The following EDA variants were observed in gnomAD, a reference collection of about 807,000 sequenced individuals.
EDA encodes the protein ectodysplasin-A.
A neutral mutation model predicts 23.6 loss-of-function variants in EDA; 2 were observed. The observed-to-expected ratio is 0.08, with a 90% confidence interval of 0.03 to 0.27. EDA has a LOEUF of 0.27. Ranked by LOEUF, EDA falls within the 10% of genes least tolerant of loss-of-function variation. The pLI is 1.00. For synonymous variants in EDA, 131 were observed against 132.0 expected, an observed-to-expected ratio of 0.99 and a Z score of 0.05; for missense variants, 229 against 324.2, an observed-to-expected ratio of 0.71 and a Z score of 2.26.
chrX:69,998,025 G>A (rs1007467723), intron 2 of EDA, among the ~76,000 whole-genome samples: 2 of 112,334 alleles, frequency 1.8e-5, no homozygotes, highest in African/African-American at 6.5e-5. Flanking sequence ...AGGGGTCAGA[G>A]TCCCCATACA....
intron 2 of EDA, among the ~76,000 whole-genome samples, chrX:70,009,773 G>T (rs2019851084): frequency 9.0e-6 from 1 of 111,025 alleles, no homozygotes; most frequent in Non-Finnish European, 1.9e-5. Context: ...TTTTAGTAGA[G>T]ACAGGGTTTC....
At chrX:69,753,905 T>TG (rs1243274373) in intron 1 of EDA, among the ~76,000 whole-genome samples, 2 of 110,030 alleles carry the variant, frequency 1.8e-5, no homozygotes, top group Non-Finnish European at 3.8e-5. Context: ...ATCCCTGCTT[T>TG]TTTTTTTCCA....
intron 1 of EDA, among the ~76,000 whole-genome samples, chrX:69,738,488 G>T (rs1173750435): frequency 9.3e-6 from 1 of 107,700 alleles, no homozygotes; most frequent in Non-Finnish European, 1.9e-5. Context: ...TGTTTTTCAT[G>T]ATTTCATTAA....
intron 1 of EDA, among the ~76,000 whole-genome samples, chrX:69,723,953 C>T (rs1360237926): frequency 9.0e-6 from 1 of 111,663 alleles, no homozygotes; most frequent in Non-Finnish European, 1.9e-5. Flanking sequence ...TAACTCTAAC[C>T]TTTGAGTGTT....
chrX:69,634,493 T>A (rs1195927719), intron 1 of EDA, among the ~76,000 whole-genome samples: 10 of 109,941 alleles, frequency 9.1e-5, no homozygotes, highest in Non-Finnish European at 3.8e-5. Flanking sequence ...TTTTATTATT[T>A]TTTTTAATAG....
intron 1 of EDA, among the ~76,000 whole-genome samples, chrX:69,868,189 A>G (rs1175047792): frequency 8.9e-6 from 1 of 112,225 alleles, no homozygotes; most frequent in Admixed American, 9.4e-5. Context: ...CTGCTGGGTC[A>G]TATGGTCCAA....
intron 1 of EDA, among the ~76,000 whole-genome samples, chrX:69,938,478 T>C (rs1795558958): frequency 8.9e-6 from 1 of 112,153 alleles, no homozygotes. Flanking sequence ...TCCTATGAAG[T>C]GGTTTGAGCT....
At chrX:69,835,208 G>A (rs925421048) in intron 1 of EDA, among the ~76,000 whole-genome samples, 6 of 109,861 alleles carry the variant, frequency 5.5e-5, no homozygotes, top group African/African-American at 9.9e-5. Flanking sequence ...TGCTCTTCTC[G>A]AGGAGTATCT....
At chrX:69,998,031 A>G (rs1327468877) in intron 2 of EDA, among the ~76,000 whole-genome samples, 1 of 112,273 alleles carries the variant, frequency 8.9e-6, no homozygotes, top group African/African-American at 3.2e-5. Flanking sequence ...CAGAGTCCCC[A>G]TACAGAGTCC....
intron 1 of EDA, among the ~76,000 whole-genome samples, chrX:69,780,897 CA>C (rs1221002383): frequency 1.8e-5 from 2 of 111,323 alleles, no homozygotes; most frequent in East Asian, 5.6e-4. Context: ...TTATTTATAG[CA>C]ATGTGAGAAC....
chrX:69,793,575 T>TTG (rs1441673586), intron 1 of EDA, among the ~76,000 whole-genome samples: 5 of 100,769 alleles, frequency 5.0e-5, no homozygotes, highest in East Asian at 3.3e-4. Flanking sequence ...TTTTTGTTTT[T>TTG]TTTTTTTTTT....
chrX:69,915,364 G>A (rs1166200469), intron 1 of EDA, among the ~76,000 whole-genome samples: 1 of 111,538 alleles, frequency 9.0e-6, no homozygotes, highest in Non-Finnish European at 1.9e-5. Flanking sequence ...AGCACTTTGG[G>A]AGGCCAAGGT....
chrX:69,630,940 T>C (rs1482180154), intron 1 of EDA, among the ~76,000 whole-genome samples: 1 of 111,952 alleles, frequency 8.9e-6, no homozygotes, highest in African/African-American at 3.3e-5. Context: ...GTTTAGTTAT[T>C]CTCTTCTAGT....
intron 1 of EDA, among the ~76,000 whole-genome samples, chrX:69,774,614 G>A (rs1238028092): frequency 1.8e-5 from 2 of 111,382 alleles, no homozygotes; most frequent in East Asian, 5.6e-4. Flanking sequence ...GGCGTTTTAG[G>A]CTGTTACTTC....
intron 1 of EDA, among the ~76,000 whole-genome samples, chrX:69,831,169 C>T (rs1458283855): frequency 4.5e-5 from 5 of 111,350 alleles, no homozygotes; most frequent in Non-Finnish European, 9.4e-5. Context: ...CACCCATCAA[C>T]TCATCATTTA....
At chrX:69,676,520 T>TTGTGTG (rs113231038) in intron 1 of EDA, among the ~76,000 whole-genome samples, 3 of 107,599 alleles carry the variant, frequency 2.8e-5, no homozygotes, top group African/African-American at 6.8e-5. Flanking sequence ...GCACGTGTGC[T>TTGTGTG]TGTGTGTGTG....
At chrX:69,633,639 A>G (rs996898891) in intron 1 of EDA, among the ~76,000 whole-genome samples, 5 of 112,461 alleles carry the variant, frequency 4.4e-5, no homozygotes, top group Non-Finnish European at 9.4e-5. Context: ...GGCCTTCTTC[A>G]CTTAGCATAA....
chrX:69,767,456 T>C (rs2014502749), intron 1 of EDA, among the ~76,000 whole-genome samples: 1 of 111,157 alleles, frequency 9.0e-6, no homozygotes, highest in African/African-American at 3.3e-5. Context: ...TTTTTATAAA[T>C]GGATTCATAG....
chrX:69,786,079 G>A (rs754944673), intron 1 of EDA, among the ~76,000 whole-genome samples: 7,737 of 107,901 alleles, frequency 0.072, 249 homozygotes, highest in Middle Eastern at 0.087. Flanking sequence ...GTTTATTTGC[G>A]TAGAGGTGTT....
Sources: gnomAD v4.1 joint callset for allele counts (sites outside exome capture counted in the v4.1 genomes callset) on GRCh38, gnomAD v4.1.1 for gene constraint, MANE v1.5 for transcripts, NCBI Gene and HGNC (gene_info 2026-07-23, HGNC 2026-07-21) for gene names.